Variants in HMCN1 observed in about 807,000 individuals in gnomAD.
HMCN1 encodes the protein hemicentin 1, also known as hemicentin-1.
A neutral mutation model predicts 625.9 loss-of-function variants in HMCN1; 321 were observed. The ratio of observed to expected loss-of-function variants is 0.51; its 90% CI spans 0.47 to 0.56. The LOEUF (loss-of-function observed/expected upper bound fraction) is 0.56, where lower values mean the gene tolerates loss of function less well. Ranked by LOEUF, HMCN1 falls within the 20% of genes least tolerant of loss-of-function variation. The probability of loss-of-function intolerance (pLI) is 0.00; values close to 1 mark genes in which losing one functional copy is unlikely to be tolerated. For synonymous variants in HMCN1, 2,425 were observed against 2,417.6 expected, an observed-to-expected ratio of 1.00 and a Z score of -0.09; for missense variants, 6,588 against 6,887.3, an observed-to-expected ratio of 0.96 and a Z score of 1.54.
chr1:185,912,568 C>T (rs10465498), intron 6 of HMCN1, among the ~76,000 whole-genome samples: 16,617 of 151,916 alleles, frequency 0.11, 2,997 homozygotes, highest in African/African-American at 0.38. Context: ...GTGACTTGCC[C>T]ATATTTCTCA....
At chr1:185,993,598 G>A (rs1243974671) in intron 23 of HMCN1, among the ~76,000 whole-genome samples, 1 of 151,918 alleles carries the variant, frequency 6.6e-6, no homozygotes, top group Non-Finnish European at 1.5e-5. Context: ...TTGATATACA[G>A]TAGAAAAAAA....
At chr1:186,160,994 T>C (rs1651426436) in intron 97 of HMCN1, among the ~76,000 whole-genome samples, 1 of 152,198 alleles carries the variant, frequency 6.6e-6, no homozygotes, top group African/African-American at 2.4e-5. Context: ...TTCTGTCTCG[T>C]TGATCTGTCT....
chr1:185,734,820 C>T lies in HMCN1; in HGVS notation c.41C>T (p.Ala14Val), dbSNP rs745617416. 7 of 1,614,024 alleles carry T rather than the reference C, an allele frequency of 4.3e-6. No homozygotes were observed. The highest frequency in any genetic ancestry group is 1.7e-5 in the Admixed American group (1 of 60,026). ...WEVVHTVFLFALLYSSLAQDA... is the reference protein window; with the variant it reads ...WEVVHTVFLFVLLYSSLAQDA... Reference sequence around the variant, plus strand: ...GTTGTCCATACAGTATTCCTGTTTGCTCTTCTTTATTCTTCCCTAGCTCAA... The same window carrying T: ...GTTGTCCATACAGTATTCCTGTTTGTTCTTCTTTATTCTTCCCTAGCTCAA... The change falls in exon 1 of 107, where the codon GCT becomes GTT. Residue 14 changes from alanine (A) to valine (V), a missense_variant. Coordinates refer to ENST00000271588, the MANE Select transcript of HMCN1 (RefSeq NM_031935.3).
chr1:186,151,447 A>C, intron 94 of HMCN1, 98 bp downstream of exon 94: 1 of 1,315,180 alleles, frequency 7.6e-7, no homozygotes, highest in East Asian at 2.4e-5. Context: ...ACTAACTCAT[A>C]AGTATGGTAA....
chr1:186,103,343 T>C, intron 68 of HMCN1, 129 bp from the exon 69 acceptor site: 2 of 747,776 alleles, frequency 2.7e-6, no homozygotes, highest in Non-Finnish European at 4.5e-6. Flanking sequence ...TAGGAATTAT[T>C]TCACTTTCCT....
At chr1:186,186,935 A>G (rs1183902770) in intron 105 of HMCN1, among the ~76,000 whole-genome samples, 1 of 151,130 alleles carries the variant, frequency 6.6e-6, no homozygotes, top group Non-Finnish European at 1.5e-5. Context: ...ATTGAACTCC[A>G]TGGACCCTCT....
At chr1:186,159,651 G>A (rs1328125579) in intron 97 of HMCN1, among the ~76,000 whole-genome samples, 1 of 152,148 alleles carries the variant, frequency 6.6e-6, no homozygotes, top group African/African-American at 2.4e-5. Context: ...TTTTGTCAAA[G>A]GCCTTTTCTG....
chr1:186,040,480 A>G (rs1656133649), intron 39 of HMCN1, among the ~76,000 whole-genome samples: 2 of 152,150 alleles, frequency 1.3e-5, no homozygotes, highest in Non-Finnish European at 2.9e-5. Flanking sequence ...TCCTAACATT[A>G]TACTTCTTCA....
At chr1:185,954,162 A>G (rs1571613008) in intron 11 of HMCN1, among the ~76,000 whole-genome samples, 1 of 152,192 alleles carries the variant, frequency 6.6e-6, no homozygotes, top group Non-Finnish European at 1.5e-5. Flanking sequence ...CTGGGAGTAT[A>G]TAAGTGCAAG....
intron 1 of HMCN1, among the ~76,000 whole-genome samples, chr1:185,736,678 T>C (rs530740285): frequency 2.0e-5 from 3 of 152,358 alleles, no homozygotes; most frequent in Non-Finnish European, 1.5e-5. Context: ...TATGAAAACT[T>C]ATTGGAATGA....
intron 46 of HMCN1, among the ~76,000 whole-genome samples, chr1:186,058,370 A>G (rs777322394): frequency 3.3e-5 from 5 of 152,030 alleles, no homozygotes; most frequent in Non-Finnish European, 7.4e-5. Context: ...ATTTTCTCCA[A>G]TAAGAAAAGC....
At chr1:185,920,753 G>T (rs1451473600) in intron 6 of HMCN1, among the ~76,000 whole-genome samples, 1 of 151,958 alleles carries the variant, frequency 6.6e-6, no homozygotes, top group Non-Finnish European at 1.5e-5. Context: ...AGAACACTTG[G>T]CAGATGATTA....
intron 15 of HMCN1, among the ~76,000 whole-genome samples, chr1:185,972,766 G>A (rs1040247857): frequency 3.3e-5 from 5 of 152,092 alleles, no homozygotes; most frequent in Non-Finnish European, 5.9e-5. Context: ...GCTTGTCACT[G>A]ATGCTACCTT....
intron 4 of HMCN1, among the ~76,000 whole-genome samples, chr1:185,873,224 AT>A: frequency 6.6e-6 from 1 of 152,290 alleles, no homozygotes; most frequent in Non-Finnish European, 1.5e-5. Context: ...AATTACCTGC[AT>A]TGCTAATTCT....
intron 1 of HMCN1, among the ~76,000 whole-genome samples, chr1:185,747,847 C>G (rs117168240): frequency 6.6e-6 from 1 of 152,110 alleles, no homozygotes; most frequent in East Asian, 1.9e-4. Context: ...CTGAGAACTT[C>G]GCTTTAAGCA....
At chr1:185,875,697 C>CCTTAA (rs947337305) in intron 4 of HMCN1, among the ~76,000 whole-genome samples, 9 of 152,036 alleles carry the variant, frequency 5.9e-5, no homozygotes, top group Non-Finnish European at 7.4e-5. Context: ...TTCTCTGCCT[C>CCTTAA]CTTTACTTTA....
rs115290542 is a variant in HMCN1, at chr1:186,155,303, C to A, written c.15256+1316C>A. Among the ~76,000 whole-genome samples, 409 of 152,230 alleles carry A rather than the reference C, an allele frequency of 2.7e-3. 2 individuals are homozygous for A. The highest frequency in any genetic ancestry group is 9.0e-3 in the African/African-American group (373 of 41,546). ...TCACGAAGTCTCATAGCCAGTGACA[C>A]CCATAGCCCATCTCCTCCACGCACA... On this transcript the variant is annotated intron_variant, in intron 97 of 106. Transcript: ENST00000271588.
At chr1:185,907,889 A>G (rs567796557) in intron 4 of HMCN1, among the ~76,000 whole-genome samples, 1 of 151,908 alleles carries the variant, frequency 6.6e-6, no homozygotes, top group African/African-American at 2.4e-5. Context: ...ATTTATTAAG[A>G]ACATCAGTAT....
chr1:185,873,248 A>C (rs1345322421), intron 4 of HMCN1, among the ~76,000 whole-genome samples: 1 of 152,206 alleles, frequency 6.6e-6, no homozygotes, highest in East Asian at 1.9e-4. Context: ...GTTTGTAAAA[A>C]TCTTAACTAC....
Sources: allele counts gnomAD v4.1 joint callset (sites outside exome capture counted in the v4.1 genomes callset), GRCh38; gene constraint gnomAD v4.1.1; transcripts MANE v1.5; gene names NCBI Gene and HGNC (gene_info 2026-07-23, HGNC 2026-07-21).